LMAN2L: variants seen among roughly 807,000 people sequenced by gnomAD.
LMAN2L encodes lectin, mannose binding 2 like, also known as VIP36-like protein.
Under a neutral mutation model 44.3 loss-of-function variants are expected in LMAN2L, and 30 were observed. The observed-to-expected ratio is 0.68, with a 90% CI of 0.51 to 0.92. The LOEUF (loss-of-function observed/expected upper bound fraction) is 0.92, where lower values mean the gene tolerates loss of function less well. Ranked by LOEUF, LMAN2L falls within the 40% of genes least tolerant of loss-of-function variation. The probability of loss-of-function intolerance (pLI) is 0.00; values close to 1 mark genes in which losing one functional copy is unlikely to be tolerated. For synonymous variants in LMAN2L, 183 were observed against 171.1 expected (o/e 1.07, Z -0.54); for missense variants, 429 against 446.1 (o/e 0.96, Z 0.35).
rs2077924324 is a variant in LMAN2L at position 96,711,758 on chromosome 2, T to TA, written c.681dup (p.Ile228TyrfsTer2). 6.2e-7 allele frequency: 1 copy of TA among 1,613,936 alleles called. No homozygotes were observed. Among genetic ancestry groups the TA allele is most frequent in the African/African-American group, 1.3e-5 (1 of 74,892 alleles). ...TCCCTCCACTCATGCTTGCCATCAA[T>TA]ATCCATCATTATCTAGAATAAAAAG... On this transcript the variant is annotated frameshift_variant, in exon 6 of 8. Coordinates refer to ENST00000264963, the MANE Select transcript of LMAN2L (RefSeq NM_030805.4). LOFTEE classifies it high-confidence loss of function.
chr2:96,727,295 A>G (rs2078291832), intron 4 of LMAN2L, among the ~76,000 whole-genome samples: 1 of 151,866 alleles, frequency 6.6e-6, no homozygotes, highest in Non-Finnish European at 1.5e-5. Flanking sequence ...TTTGTCCTTT[A>G]GTTTACTAAT....
At chr2:96,717,152 G>C (rs1418476438) in intron 4 of LMAN2L, among the ~76,000 whole-genome samples, 1 of 151,768 alleles carries the variant, frequency 6.6e-6, no homozygotes, top group Non-Finnish European at 1.5e-5. Flanking sequence ...CATCATGAGA[G>C]CAATTTACTC....
intron 4 of LMAN2L, among the ~76,000 whole-genome samples, chr2:96,722,539 C>G (rs1180964122): frequency 6.6e-6 from 1 of 152,152 alleles, no homozygotes; most frequent in Admixed American, 6.6e-5. Flanking sequence ...GGAGCTCAGG[C>G]AGTAATGAGA....
intron 4 of LMAN2L, among the ~76,000 whole-genome samples, chr2:96,716,849 T>C (rs570049467): frequency 6.6e-6 from 1 of 152,320 alleles, no homozygotes; most frequent in Admixed American, 6.5e-5. Flanking sequence ...TCATATGTAT[T>C]ATTTTTTTAA....
chr2:96,705,979 TAGG>T lies in LMAN2L; in HGVS notation c.*1274_*1276del, dbSNP rs1253219238. The T allele has an allele frequency of 6.6e-6, 1 of 152,536 alleles. No homozygotes were observed. Among genetic ancestry groups the T allele is most frequent in the Non-Finnish European group, 1.5e-5 (1 of 68,048 alleles). The allele number at this position is 152,536 out of a possible 1,614,324, so 9.4% of individuals were successfully genotyped here. On this transcript the variant is annotated 3_prime_UTR_variant, in exon 8 of 8. Transcript: ENST00000264963. ...ATTTCATTTAGGCTACAGAGGTTCA[TAGG>T]AGGACTCAGAGTTCCAGGCCCTCCA...
intron 6 of LMAN2L, among the ~76,000 whole-genome samples, chr2:96,709,606 G>C (rs996758028): frequency 6.6e-6 from 1 of 152,190 alleles, no homozygotes; most frequent in Non-Finnish European, 1.5e-5. Flanking sequence ...TTGGAAAAAT[G>C]TTAACTGTCA....
intron 4 of LMAN2L, among the ~76,000 whole-genome samples, chr2:96,728,517 A>G (rs558930854): frequency 7.0e-6 from 1 of 143,316 alleles, no homozygotes; most frequent in South Asian, 2.3e-4. Context: ...AAAAAAAAAA[A>G]AAAAAGAAAT....
intron 4 of LMAN2L, among the ~76,000 whole-genome samples, chr2:96,713,933 G>T (rs2077982181): frequency 6.6e-6 from 1 of 152,194 alleles, no homozygotes; most frequent in South Asian, 2.1e-4. Flanking sequence ...GCTCTGCCCT[G>T]TGGGACAGGT....
chr2:96,721,168 T>C (rs1053992815), intron 4 of LMAN2L, among the ~76,000 whole-genome samples: 7 of 152,080 alleles, frequency 4.6e-5, no homozygotes, highest in African/African-American at 1.4e-4. Context: ...CAACCACTAA[T>C]CTACTTTCTG....
chr2:96,737,619 C>T (rs1410073549), intron 2 of LMAN2L, among the ~76,000 whole-genome samples: 1 of 152,184 alleles, frequency 6.6e-6, no homozygotes, highest in Non-Finnish European at 1.5e-5. Flanking sequence ...TGCCACTGCA[C>T]TCTGGTCTTC....
intron 1 of LMAN2L, among the ~76,000 whole-genome samples, chr2:96,739,644 C>T (rs2078592067): frequency 6.6e-6 from 1 of 152,166 alleles, no homozygotes; most frequent in African/African-American, 2.4e-5. Context: ...CCTGCCTTTA[C>T]CTACTGGAAA....
intron 4 of LMAN2L, among the ~76,000 whole-genome samples, chr2:96,726,913 G>A (rs768975265): frequency 2.0e-5 from 3 of 151,942 alleles, no homozygotes; most frequent in Non-Finnish European, 4.4e-5. Context: ...GTGAAACCCC[G>A]TCTCCACTAA....
rs1200504512 is a variant in LMAN2L, at chr2:96,733,616, C to G, written c.425-15G>C. On this transcript the variant is annotated splice_polypyrimidine_tract_variant and intron_variant, in intron 3 of 7. Transcript: ENST00000264963. Reference sequence around the variant, plus strand: ...AAACACAGGCCCTAGAGAGAGAGAACAGATGATGAACAATGAAATAAAGCT... The same window carrying G: ...AAACACAGGCCCTAGAGAGAGAGAAGAGATGATGAACAATGAAATAAAGCT... 3 of 1,592,418 alleles carry G rather than the reference C, an allele frequency of 1.9e-6. No homozygotes were observed. The highest frequency in any genetic ancestry group is 2.7e-5 in the African/African-American group (2 of 74,362).
intron 4 of LMAN2L, among the ~76,000 whole-genome samples, chr2:96,721,043 TAA>T (rs1196507643): frequency 6.6e-6 from 1 of 152,132 alleles, no homozygotes; most frequent in Non-Finnish European, 1.5e-5. Context: ...TATTCAGAGT[TAA>T]GATTATGATT....
chr2:96,732,534 C>T (rs1247980713), intron 4 of LMAN2L, among the ~76,000 whole-genome samples: 10 of 151,604 alleles, frequency 6.6e-5, no homozygotes, highest in Admixed American at 1.3e-4. Flanking sequence ...GTCCCAGCTA[C>T]GCGGGAGGCT....
At chr2:96,717,308 G>A (rs1262212648) in intron 4 of LMAN2L, among the ~76,000 whole-genome samples, 1 of 152,068 alleles carries the variant, frequency 6.6e-6, no homozygotes. Context: ...GGGAAATGAA[G>A]GTGGGAGGAT....
chr2:96,721,685 G>T (rs1391373618), intron 4 of LMAN2L, among the ~76,000 whole-genome samples: 3 of 151,836 alleles, frequency 2.0e-5, no homozygotes, highest in Non-Finnish European at 4.4e-5. Flanking sequence ...TCCCTATGTT[G>T]CCCAAGCTGA....
chr2:96,722,248 G>A (rs1054731646), intron 4 of LMAN2L, among the ~76,000 whole-genome samples: 7 of 152,068 alleles, frequency 4.6e-5, no homozygotes, highest in East Asian at 1.9e-4. Flanking sequence ...GATTACAGGC[G>A]TGAGCCACCG....
chr2:96,733,649 G>T, intron 3 of LMAN2L, 48 bp from the exon 4 acceptor site: 1 of 1,444,454 alleles, frequency 6.9e-7, no homozygotes, highest in South Asian at 1.2e-5. Flanking sequence ...GCTAAGAGTT[G>T]ATAAAGGAAT....
Sources: gnomAD v4.1 joint callset for allele counts (sites outside exome capture counted in the v4.1 genomes callset) on GRCh38, gnomAD v4.1.1 for gene constraint, MANE v1.5 for transcripts, NCBI Gene and HGNC (gene_info 2026-07-23, HGNC 2026-07-21) for gene names.